The following RIPOR2 variants were observed in gnomAD, a reference collection of about 807,000 sequenced individuals.
The protein encoded by RIPOR2 is RHO family interacting cell polarization regulator 2.
Under a neutral mutation model 114.5 loss-of-function variants are expected in RIPOR2, and 39 were observed. The observed-to-expected ratio is 0.34, with a 90% CI of 0.26 to 0.44. The LOEUF (loss-of-function observed/expected upper bound fraction) is 0.44, where lower values mean the gene tolerates loss of function less well. Ranked by LOEUF, RIPOR2 falls within the 20% of genes least tolerant of loss-of-function variation. The pLI, the probability that RIPOR2 is intolerant of heterozygous loss-of-function variation, is 1.00. For synonymous variants in RIPOR2, 445 were observed against 484.4 expected, an observed-to-expected ratio of 0.92 and a Z score of 1.07; for missense variants, 1,007 against 1,255.1, an observed-to-expected ratio of 0.80 and a Z score of 2.99.
chr6:24,939,258 T>C (rs1055685359), upstream of RIPOR2, among the ~76,000 whole-genome samples: 10 of 152,208 alleles, frequency 6.6e-5, no homozygotes, highest in African/African-American at 2.4e-4. Flanking sequence ...ATGTAAAGTC[T>C]AAAAGAATGC....
chr6:24,923,512 C>G (rs1050216432), intron 1 of RIPOR2, among the ~76,000 whole-genome samples: 4 of 152,044 alleles, frequency 2.6e-5, no homozygotes, highest in Non-Finnish European at 5.9e-5. Flanking sequence ...TTTCCTAACT[C>G]TTTTCAATAG....
chr6:24,830,548 T>C lies in RIPOR2; in HGVS notation c.2467A>G (p.Arg823Gly), dbSNP rs753466223. ...CCTGGATATTCTTTGTTGACAGTTC[T>C]GGCAAAGCTGGCCTCCAGCTGCTTC... ...VMKQLEASFA[R>G]TVNKEYPGLA... Residue 823 changes from arginine (R) to glycine (G), a missense_variant, in exon 17 of 22, where the codon AGA becomes GGA. Arg to Gly is a moderately radical substitution (Grantham distance 125, BLOSUM62 -2). Transcript: ENST00000643898. The C allele has an allele frequency of 4.2e-5, 65 of 1,551,126 alleles. No homozygotes were observed. Among genetic ancestry groups the C allele is most frequent in the Non-Finnish European group, 5.6e-5 (64 of 1,146,948 alleles).
chr6:24,848,008 A>G lies in RIPOR2; in HGVS notation c.1164+17T>C, dbSNP rs1337801439. On this transcript the variant is annotated intron_variant, in intron 12 of 21. Coordinates refer to ENST00000643898, the MANE Select transcript of RIPOR2 (RefSeq NM_001286445.3). ...TCAGGTGCATTGATTCTACTCGGGA[A>G]ATTACACTGAACTTACAAAGAAGGA... The G allele has an allele frequency of 6.2e-7, 1 of 1,613,814 alleles. No homozygotes were observed. Among genetic ancestry groups the G allele is most frequent in the Non-Finnish European group, 8.5e-7 (1 of 1,179,814 alleles).
intron 1 of RIPOR2, among the ~76,000 whole-genome samples, chr6:24,941,829 C>A (rs1772148426): frequency 6.6e-6 from 1 of 152,144 alleles, no homozygotes; most frequent in Non-Finnish European, 1.5e-5. Flanking sequence ...GCCCCTCCTC[C>A]CCTTTTTTTA....
At chr6:25,003,188 T>C (rs1311148587) in intron 1 of RIPOR2, among the ~76,000 whole-genome samples, 9 of 152,176 alleles carry the variant, frequency 5.9e-5, no homozygotes, top group Non-Finnish European at 7.4e-5. Flanking sequence ...TAAAACTTTC[T>C]AAGTAACCTT....
rs9467340 is a variant in RIPOR2 at position 24,873,086 on chromosome 6, C to T, written c.345-127G>A. The T allele has an allele frequency of 0.21, 134,738 of 633,376 alleles. 15,858 individuals are homozygous for T. The highest frequency in any genetic ancestry group is 0.32 in the East Asian group (11,966 of 36,948). 39.2% of individuals were successfully genotyped at this position (633,376 alleles called of 1,614,324 possible). A position where few individuals can be genotyped will look rare whatever the true frequency, so the allele number is the denominator to read the frequency against. ...CCTTGCTCTGTAGTTGGGCAGGAGG[C>T]TTTGTATTTTCCCAGTCTTTCAACA... is the stretch of plus-strand genomic sequence containing the variant. On this transcript the variant is annotated intron_variant, in intron 3 of 21. Coordinates refer to ENST00000643898, the MANE Select transcript of RIPOR2 (RefSeq NM_001286445.3).
At chr6:25,024,259 G>T in intron 1 of RIPOR2, 14 of 1,542,794 alleles carry the variant, frequency 9.1e-6, no homozygotes, top group East Asian at 2.3e-5. Flanking sequence ...TGGATGGCCG[G>T]CCAGATGAAC....
At position 24,878,741 on chromosome 6, in the gene RIPOR2, A is replaced by C. The variant is rs372072756; in HGVS notation, c.62-2924T>G. ...ACCAATGTTTGAGAGCCACTGACTTAGGAGTTTTGATTGAACAATCAGTTG... is the reference window on the plus strand; with the variant it reads ...ACCAATGTTTGAGAGCCACTGACTTCGGAGTTTTGATTGAACAATCAGTTG... On this transcript the variant is annotated intron_variant, in intron 1 of 21. Transcript: ENST00000643898. Among the ~76,000 whole-genome samples the C allele has an allele frequency of 4.1e-4, 62 of 152,290 alleles. 1 individual carries two copies. The South Asian group carries it at 0.011, about 27-fold the overall frequency.
intron 1 of RIPOR2, chr6:25,023,342 T>G: frequency 1.3e-6 from 1 of 791,368 alleles, no homozygotes; most frequent in Non-Finnish European, 2.3e-6. Flanking sequence ...ATCAATTGGC[T>G]CATAATCACC....
At chr6:24,925,476 G>T (rs1354315783) in intron 1 of RIPOR2, among the ~76,000 whole-genome samples, 1 of 152,114 alleles carries the variant, frequency 6.6e-6, no homozygotes, top group Non-Finnish European at 1.5e-5. Flanking sequence ...AGCCGAGGTG[G>T]GTGGATCAGG....
At chr6:24,909,429 G>T (rs1769325882) in intron 1 of RIPOR2, among the ~76,000 whole-genome samples, 1 of 152,088 alleles carries the variant, frequency 6.6e-6, no homozygotes, top group Admixed American at 6.5e-5. Context: ...GAGTGGGCAA[G>T]CTCAGAGGCT....
intron 1 of RIPOR2, among the ~76,000 whole-genome samples, chr6:25,034,144 T>C (rs1158132525): frequency 6.6e-6 from 1 of 152,064 alleles, no homozygotes; most frequent in Non-Finnish European, 1.5e-5. Context: ...AGTGCTACGC[T>C]GTACGGGGTG....
intron 19 of RIPOR2, among the ~76,000 whole-genome samples, chr6:24,822,528 A>T (rs985525499): frequency 2.0e-5 from 3 of 151,778 alleles, no homozygotes; most frequent in African/African-American, 7.3e-5. Flanking sequence ...TTATTTATTT[A>T]TTTTTTGAGA....
At chr6:24,806,553 T>C in intron 21 of RIPOR2, 80 bp from the exon 22 acceptor site, 1 of 1,015,586 alleles carries the variant, frequency 9.8e-7, no homozygotes, top group South Asian at 1.6e-5. Flanking sequence ...GTGCCATTTG[T>C]TTAGGGATGG....
At chr6:24,952,185 G>A (rs919882936) in intron 1 of RIPOR2, among the ~76,000 whole-genome samples, 1 of 152,194 alleles carries the variant, frequency 6.6e-6, no homozygotes, top group Non-Finnish European at 1.5e-5. Context: ...TGTTGGCTGG[G>A]TAGGCTGCAA....
chr6:24,944,191 C>T (rs1323958026), intron 1 of RIPOR2, among the ~76,000 whole-genome samples: 1 of 152,110 alleles, frequency 6.6e-6, no homozygotes, highest in Non-Finnish European at 1.5e-5. Context: ...TAAGGTCTGA[C>T]CACTGGCTAA....
In RIPOR2 at chr6:24,865,322, C is replaced by T. The variant is rs764108708; in HGVS notation, c.630G>A (p.Arg210=). Residue 210 remains arginine, a synonymous_variant, in exon 7 of 22, where the codon CGG becomes CGA. Coordinates refer to ENST00000643898, the MANE Select transcript of RIPOR2 (RefSeq NM_001286445.3). ...AARESLTEIN[R]SFKEYTENMC... ...ATACCTCTGTGTACTCCTTGAAGCT[C>T]CGATTGATCTCTGTCAGACTCTCCC... The T allele has an allele frequency of 1.9e-6, 3 of 1,612,990 alleles. No individual in the cohort carries two copies. The Admixed American group carries it at 5.0e-5, about 27-fold the overall frequency.
Position 24,921,353 on chromosome 6 carries a change from G to A in RIPOR2, c.61+14485C>T, listed in dbSNP as rs867201032. On this transcript the variant is annotated intron_variant, in intron 1 of 21. Transcript: ENST00000643898. Reference sequence around the variant, plus strand: ...ATTTTTTTTTTTTTTTAGTAGAGACGCTGTTTCACTATGTTGGCCAGGCCG... The same window carrying A: ...ATTTTTTTTTTTTTTTAGTAGAGACACTGTTTCACTATGTTGGCCAGGCCG... Among the ~76,000 whole-genome samples the A allele has an allele frequency of 1.7e-4, 26 of 150,458 alleles. No homozygotes were observed. In the South Asian group the frequency reaches 2.7e-3, roughly 16 times the overall value.
chr6:25,027,993 T>TCTAA (rs1484233667), intron 1 of RIPOR2, among the ~76,000 whole-genome samples: 4 of 152,098 alleles, frequency 2.6e-5, no homozygotes, highest in South Asian at 2.1e-4. Flanking sequence ...CCCTAACAGC[T>TCTAA]CTAAGCCCGA....
Sources: gnomAD v4.1 joint callset for allele counts (sites outside exome capture counted in the v4.1 genomes callset) on GRCh38, gnomAD v4.1.1 for gene constraint, MANE v1.5 for transcripts, NCBI Gene and HGNC (gene_info 2026-07-23, HGNC 2026-07-21) for gene names.